MAP2: variants seen among roughly 807,000 people sequenced by gnomAD.
The protein encoded by MAP2 is microtubule associated protein 2.
Under a neutral mutation model 137.6 loss-of-function variants are expected in MAP2, and 14 were observed. That is an observed-to-expected ratio of 0.10 (90% CI 0.07 to 0.16). The LOEUF (loss-of-function observed/expected upper bound fraction) is 0.16, where lower values mean the gene tolerates loss of function less well. MAP2 is among the 10% of genes least tolerant of loss of function. MAP2 has a pLI of 1.00. For missense variants in MAP2, 2,088 were observed against 2,191.5 expected, an observed-to-expected ratio of 0.95 and a Z score of 0.94; for synonymous variants, 786 against 782.3, an observed-to-expected ratio of 1.00 and a Z score of -0.08.
intron 7 of MAP2, among the ~76,000 whole-genome samples, chr2:209,692,337 C>CAAA (rs11449791): frequency 4.5e-5 from 6 of 133,758 alleles, no homozygotes; most frequent in Non-Finnish European, 9.3e-5. Flanking sequence ...TAGGAGAGAC[C>CAAA]AAAAAAAAAA....
At chr2:209,575,819 G>T (rs1008840439) in intron 2 of MAP2, among the ~76,000 whole-genome samples, 1 of 152,134 alleles carries the variant, frequency 6.6e-6, no homozygotes, top group African/African-American at 2.4e-5. Flanking sequence ...GGTGAAGTTA[G>T]AAGTAAATAA....
chr2:209,724,489 A>G (rs903858649), intron 13 of MAP2, among the ~76,000 whole-genome samples: 1 of 152,142 alleles, frequency 6.6e-6, no homozygotes, highest in Non-Finnish European at 1.5e-5. Context: ...CCATGACTCA[A>G]GTAATTTACA....
intron 1 of MAP2, among the ~76,000 whole-genome samples, chr2:209,460,536 C>CCCTTT (rs1702517215): frequency 6.6e-6 from 1 of 151,826 alleles, no homozygotes; most frequent in South Asian, 2.1e-4. Context: ...CTTTCCCTTT[C>CCCTTT]CCTTTCCTTT....
chr2:209,463,854 G>A (rs564393161), intron 1 of MAP2, among the ~76,000 whole-genome samples: 178 of 152,220 alleles, frequency 1.2e-3, no homozygotes, highest in African/African-American at 4.1e-3. Context: ...CTGAGTCAAA[G>A]GAGAGACTGT....
intron 1 of MAP2, among the ~76,000 whole-genome samples, chr2:209,471,013 T>C (rs967703922): frequency 2.0e-5 from 3 of 152,186 alleles, no homozygotes; most frequent in Non-Finnish European, 4.4e-5. Flanking sequence ...TAAAGGTCTT[T>C]AGTAACTTCC....
At chr2:209,595,989 A>G (rs1019702413) in intron 3 of MAP2, among the ~76,000 whole-genome samples, 22 of 152,202 alleles carry the variant, frequency 1.4e-4, no homozygotes, top group Non-Finnish European at 3.2e-4. Context: ...TAGCATTAGG[A>G]GAAATATCTA....
rs191135188 is a variant in MAP2, at chr2:209,665,603, C to T, written c.262+12171C>T. Among the ~76,000 whole-genome samples the T allele has an allele frequency of 2.7e-3, 413 of 152,268 alleles. 1 individual carries two copies. The highest frequency in any genetic ancestry group is 0.01 in the Middle Eastern group (3 of 294). ...CTTTAAAGGAGTATACCAGTATCGT[C>T]TTGGAAAGATATTATGTATCCTATT... On this transcript the variant is annotated intron_variant, in intron 5 of 15. Coordinates refer to ENST00000682079, the MANE Select transcript of MAP2 (RefSeq NM_001375505.1).
At chr2:209,489,574 T>A (rs1016713081) in intron 1 of MAP2, among the ~76,000 whole-genome samples, 3 of 152,050 alleles carry the variant, frequency 2.0e-5, no homozygotes, top group Non-Finnish European at 4.4e-5. Context: ...CTAACTAGAA[T>A]AACCAGTTTA....
intron 13 of MAP2, among the ~76,000 whole-genome samples, chr2:209,715,644 G>C (rs1486648920): frequency 6.6e-6 from 1 of 152,158 alleles, no homozygotes; most frequent in Non-Finnish European, 1.5e-5. Context: ...TCCCGAGAAG[G>C]TGATATTTGA....
chr2:209,451,595 C>T (rs1229695786), intron 1 of MAP2, among the ~76,000 whole-genome samples: 7 of 152,236 alleles, frequency 4.6e-5, no homozygotes, highest in South Asian at 2.1e-4. Context: ...CCTTGGTTTC[C>T]GTAACCTTAT....
intron 2 of MAP2, among the ~76,000 whole-genome samples, chr2:209,538,890 C>T (rs970073253): frequency 6.6e-6 from 1 of 152,068 alleles, no homozygotes; most frequent in East Asian, 1.9e-4. Context: ...ATCATTGTTG[C>T]TTTTAAGTTA....
At chr2:209,545,129 G>T (rs1424576904) in intron 2 of MAP2, among the ~76,000 whole-genome samples, 1 of 152,106 alleles carries the variant, frequency 6.6e-6, no homozygotes. Flanking sequence ...AGGAAATCTG[G>T]CAGTGATCAG....
At chr2:209,609,507 C>T (rs1054744575) in intron 3 of MAP2, among the ~76,000 whole-genome samples, 10 of 152,178 alleles carry the variant, frequency 6.6e-5, no homozygotes, top group African/African-American at 7.2e-5. Context: ...TTCTGCCTCA[C>T]CTCTATCCTA....
chr2:209,673,795 GA>G (rs1228766425), intron 5 of MAP2, among the ~76,000 whole-genome samples: 1 of 151,572 alleles, frequency 6.6e-6, no homozygotes, highest in Non-Finnish European at 1.5e-5. Flanking sequence ...ATGTTTGGAA[GA>G]AAAAGCAAGA....
At chr2:209,550,219 G>T (rs1014244819) in intron 2 of MAP2, among the ~76,000 whole-genome samples, 2 of 152,032 alleles carry the variant, frequency 1.3e-5, no homozygotes, top group African/African-American at 4.8e-5. Context: ...CAACATCCTG[G>T]CCTCTCCTCT....
chr2:209,707,569 G>A (rs1456510448), intron 12 of MAP2, among the ~76,000 whole-genome samples: 5 of 150,324 alleles, frequency 3.3e-5, no homozygotes, highest in Non-Finnish European at 7.4e-5. Flanking sequence ...TTGAGGAGTT[G>A]ACAAGATAAA....
chr2:209,667,691 A>G (rs2046948947), intron 5 of MAP2, among the ~76,000 whole-genome samples: 1 of 151,938 alleles, frequency 6.6e-6, no homozygotes, highest in Admixed American at 6.6e-5. Flanking sequence ...TTTTAATGAA[A>G]TCTGATTTTC....
At chr2:209,607,815 A>G (rs2085327185) in intron 3 of MAP2, among the ~76,000 whole-genome samples, 1 of 151,766 alleles carries the variant, frequency 6.6e-6, no homozygotes. Context: ...TACCCCTTTT[A>G]CTCCAGAGTC....
At chr2:209,516,939 G>A (rs543689888) in intron 2 of MAP2, among the ~76,000 whole-genome samples, 75 of 152,172 alleles carry the variant, frequency 4.9e-4, no homozygotes, top group African/African-American at 1.8e-3. Context: ...TATTACATAG[G>A]CACTTCAATG....
Sources: allele counts gnomAD v4.1 joint callset (sites outside exome capture counted in the v4.1 genomes callset), GRCh38; gene constraint gnomAD v4.1.1; transcripts MANE v1.5; gene names NCBI Gene and HGNC (gene_info 2026-07-23, HGNC 2026-07-21).